Variants in KIF6 observed in about 807,000 individuals in gnomAD.
The protein encoded by KIF6 is kinesin-like protein KIF6.
KIF6 carries 106 observed loss-of-function variants against 112.7 expected under a neutral mutation model. The observed-to-expected ratio is 0.94, with a 90% CI of 0.80 to 1.11. KIF6 has a LOEUF of 1.11. Ranked by LOEUF, KIF6 falls within the 50% of genes least tolerant of loss-of-function variation. The probability of loss-of-function intolerance (pLI) is 0.00; values close to 1 mark genes in which losing one functional copy is unlikely to be tolerated. For missense variants in KIF6, 929 were observed against 964.0 expected, an observed-to-expected ratio of 0.96 and a Z score of 0.48; for synonymous variants, 339 against 339.9, an observed-to-expected ratio of 1.00 and a Z score of 0.03.
chr6:39,661,690 A>G (rs113368333), intron 3 of KIF6, among the ~76,000 whole-genome samples: 234 of 152,288 alleles, frequency 1.5e-3, no homozygotes, highest in African/African-American at 5.4e-3. Context: ...ACAAGAAGGA[A>G]CAGAGCCTTG....
At chr6:39,367,633 G>A (rs1333965721) in intron 16 of KIF6, among the ~76,000 whole-genome samples, 1 of 152,074 alleles carries the variant, frequency 6.6e-6, no homozygotes, top group Non-Finnish European at 1.5e-5. Context: ...CTGAAGTCAC[G>A]GGTGTTTTGG....
chr6:39,508,738 T>C (rs2150505809), intron 13 of KIF6, among the ~76,000 whole-genome samples: 1 of 152,220 alleles, frequency 6.6e-6, no homozygotes, highest in South Asian at 2.1e-4. Flanking sequence ...AAGCTCAAAC[T>C]GGGTGGAGCC....
chr6:39,355,369 G>GCTTC (rs1764565216), intron 19 of KIF6, among the ~76,000 whole-genome samples: 5 of 151,680 alleles, frequency 3.3e-5, no homozygotes, highest in African/African-American at 1.2e-4. Context: ...GGCACCAACA[G>GCTTC]CCAGATTGGA....
intron 13 of KIF6, among the ~76,000 whole-genome samples, chr6:39,473,926 C>T (rs1405666760): frequency 6.6e-6 from 1 of 152,084 alleles, no homozygotes; most frequent in Non-Finnish European, 1.5e-5. Flanking sequence ...TGTAAAAATT[C>T]ATTTGAGTTT....
chr6:39,635,696 G>T (rs541893699), intron 4 of KIF6, among the ~76,000 whole-genome samples: 32 of 152,106 alleles, frequency 2.1e-4, no homozygotes, highest in African/African-American at 7.5e-4. Flanking sequence ...AAAGGTGCCT[G>T]GTCCTAGTCT....
At chr6:39,376,549 T>C (rs1766455263) in intron 16 of KIF6, among the ~76,000 whole-genome samples, 1 of 152,188 alleles carries the variant, frequency 6.6e-6, no homozygotes, top group African/African-American at 2.4e-5. Context: ...AAGGCAAAAA[T>C]GTGATGCCTA....
Position 39,346,527 on chromosome 6 carries a change from C to G in KIF6, c.2181-1G>C, listed in dbSNP as rs1395655322. 2 of 710,198 alleles carry G rather than the reference C, an allele frequency of 2.8e-6. No homozygotes were observed. Among genetic ancestry groups the G allele is most frequent in the Non-Finnish European group, 5.2e-6 (2 of 384,518 alleles). The allele number at this position is 710,198 out of a possible 1,614,324, so 44.0% of individuals were successfully genotyped here. A position where few individuals can be genotyped will look rare whatever the true frequency, so the allele number is the denominator to read the frequency against. ...ATCTTGGACTTCCCAGCCTCCAGAACTGTGAAAAATAAACGTTTGTTGTTT... is the reference window on the plus strand; with the variant it reads ...ATCTTGGACTTCCCAGCCTCCAGAAGTGTGAAAAATAAACGTTTGTTGTTT... On this transcript the variant is annotated splice_acceptor_variant, in intron 19 of 22. Transcript: ENST00000287152. LOFTEE classifies it high-confidence loss of function.
chr6:39,510,872 CAAAAA>C (rs1180631310), intron 13 of KIF6, among the ~76,000 whole-genome samples: 1 of 23,858 alleles, frequency 4.2e-5, no homozygotes, highest in African/African-American at 1.6e-4. Flanking sequence ...AAATGGGAAG[CAAAAA>C]AAAAAAAAAA....
chr6:39,330,220 C>A lies in KIF6; in HGVS notation c.*6312G>T, dbSNP rs933223290. On this transcript the variant is annotated 3_prime_UTR_variant, in exon 23 of 23. Coordinates refer to ENST00000287152, the MANE Select transcript of KIF6 (RefSeq NM_145027.6). ...TAAAACAGCTTCATAGGCATAAGTC[C>A]TAGAGCACCTTGGGACATCTGGTCA... is the stretch of plus-strand genomic sequence containing the variant. 7 of 152,172 alleles carry A rather than the reference C, an allele frequency of 4.6e-5. No homozygotes were observed. Among genetic ancestry groups the A allele is most frequent in the African/African-American group, 1.7e-4 (7 of 41,426 alleles). The allele number at this position is 152,172 out of a possible 1,614,324, so 9.4% of individuals were successfully genotyped here. A position where few individuals can be genotyped will look rare whatever the true frequency, so the allele number is the denominator to read the frequency against.
chr6:39,507,690 A>T (rs11965823), intron 13 of KIF6, among the ~76,000 whole-genome samples: 725 of 35,878 alleles, frequency 0.02, 4 homozygotes, highest in East Asian at 0.058. Flanking sequence ...CTTCCTTCCT[A>T]CCTTCCTTCC....
intron 3 of KIF6, among the ~76,000 whole-genome samples, chr6:39,645,519 G>A (rs1482978611): frequency 3.9e-5 from 6 of 152,154 alleles, no homozygotes; most frequent in Non-Finnish European, 2.9e-5. Context: ...CTTGATCATG[G>A]TGGATAAGCT....
intron 10 of KIF6, among the ~76,000 whole-genome samples, chr6:39,572,076 T>G (rs926021243): frequency 2.6e-5 from 4 of 152,204 alleles, no homozygotes; most frequent in Non-Finnish European, 4.4e-5. Context: ...TGTAATAAAC[T>G]GCTATTACAT....
At chr6:39,590,267 T>C (rs1781860134) in intron 7 of KIF6, among the ~76,000 whole-genome samples, 1 of 152,096 alleles carries the variant, frequency 6.6e-6, no homozygotes, top group Non-Finnish European at 1.5e-5. Context: ...TCTAAGTACT[T>C]TGAAGTTCTT....
At chr6:39,668,002 G>A (rs936718866) in intron 3 of KIF6, among the ~76,000 whole-genome samples, 7 of 152,242 alleles carry the variant, frequency 4.6e-5, no homozygotes, top group Non-Finnish European at 8.8e-5. Context: ...GTTTAAAAGT[G>A]GGTGGTACCT....
chr6:39,578,532 C>T (rs1781108788), intron 9 of KIF6, among the ~76,000 whole-genome samples: 1 of 151,926 alleles, frequency 6.6e-6, no homozygotes, highest in African/African-American at 2.4e-5. Flanking sequence ...AGGGTTTTAC[C>T]ATGTTAGCCA....
intron 3 of KIF6, among the ~76,000 whole-genome samples, chr6:39,648,706 C>A (rs756876769): frequency 1.3e-5 from 2 of 152,208 alleles, no homozygotes; most frequent in African/African-American, 2.4e-5. Context: ...TGCATCACTG[C>A]ATAATCACAG....
At chr6:39,417,813 G>A (rs1032864984) in intron 15 of KIF6, among the ~76,000 whole-genome samples, 5 of 152,130 alleles carry the variant, frequency 3.3e-5, no homozygotes, top group African/African-American at 1.2e-4. Context: ...ATGTTGGAAC[G>A]GTTTTATTTT....
chr6:39,583,176 A>C (rs1175768839), intron 9 of KIF6: 1 of 262,980 alleles, frequency 3.8e-6, no homozygotes, highest in African/African-American at 2.2e-5. Flanking sequence ...AAAACCCTCC[A>C]ATGTCTAATA....
intron 17 of KIF6, among the ~76,000 whole-genome samples, chr6:39,361,698 C>T (rs1432777910): frequency 4.0e-5 from 6 of 151,800 alleles, no homozygotes; most frequent in African/African-American, 1.5e-4. Flanking sequence ...AGGTAGACTT[C>T]TGTAGGAAGA....
Sources: gnomAD v4.1 joint callset for allele counts (sites outside exome capture counted in the v4.1 genomes callset) on GRCh38, gnomAD v4.1.1 for gene constraint, MANE v1.5 for transcripts, NCBI Gene and HGNC (gene_info 2026-07-23, HGNC 2026-07-21) for gene names.